The following GRIK1 variants were observed in gnomAD, a reference collection of about 807,000 sequenced individuals.
GRIK1 encodes glutamate receptor ionotropic, kainate 1.
In GRIK1, 69 loss-of-function variants were observed where a neutral mutation model predicts 105.7. The ratio of observed to expected loss-of-function variants is 0.65; its 90% CI spans 0.54 to 0.80. The LOEUF is 0.80. Among genes scored for constraint, GRIK1 ranks in the 30% least tolerant of loss-of-function variants. The pLI is 0.00. For missense variants in GRIK1, 1,109 were observed against 1,167.3 expected (o/e 0.95, Z 0.73); for synonymous variants, 438 against 431.3 (o/e 1.02, Z -0.19).
chr21:29,659,663 A>G (rs2062922890), intron 4 of GRIK1, among the ~76,000 whole-genome samples: 1 of 152,148 alleles, frequency 6.6e-6, no homozygotes, highest in Non-Finnish European at 1.5e-5. Flanking sequence ...AGAAGGCAGA[A>G]TAAAAACTCA....
Position 29,695,782 on chromosome 21 carries a change from A to G in GRIK1, c.119-1719T>C, listed in dbSNP as rs149006330. Among the ~76,000 whole-genome samples the G allele has an allele frequency of 3.0e-3, 450 of 152,164 alleles. 5 individuals are homozygous for G. Among genetic ancestry groups the G allele is most frequent in the African/African-American group, 0.01 (425 of 41,508 alleles). ...GCCACCGTGCCTGGCCCAGGCTGCT[A>G]TTTTTTATCTACTCTCAGGATTGAG... On this transcript the variant is annotated intron_variant, in intron 1 of 17. Coordinates refer to ENST00000327783, the MANE Select transcript of GRIK1 (RefSeq NM_001330994.2).
Position 29,587,599 on chromosome 21 carries a change from C to CA in GRIK1, c.1570-11dup. 6.4e-7 allele frequency: 1 copy of CA among 1,568,268 alleles called. No individual in the cohort carries two copies. The highest frequency in any genetic ancestry group is 8.8e-7 in the Non-Finnish European group (1 of 1,140,134). ...CTGCCAGGTCAGCCCTCTGCAAAAGCAAGTCCAAAATTGTCAGCTTAGTCT... is the reference window on the plus strand; with the variant it reads ...CTGCCAGGTCAGCCCTCTGCAAAAGCAAAGTCCAAAATTGTCAGCTTAGTCT... On this transcript the variant is annotated splice_polypyrimidine_tract_variant and intron_variant, in intron 11 of 17. Transcript: ENST00000327783.
chr21:29,612,398 T>G (rs1037982203), intron 7 of GRIK1, among the ~76,000 whole-genome samples: 69 of 152,174 alleles, frequency 4.5e-4, no homozygotes, highest in African/African-American at 1.6e-3. Flanking sequence ...GTTACCACAT[T>G]ACCATAAGTG....
At chr21:29,687,444 G>C (rs924567267) in intron 3 of GRIK1, among the ~76,000 whole-genome samples, 2 of 152,128 alleles carry the variant, frequency 1.3e-5, no homozygotes, top group African/African-American at 4.8e-5. Context: ...ATTGATCTCA[G>C]TTGGCCTGTT....
intron 1 of GRIK1, among the ~76,000 whole-genome samples, chr21:29,825,236 G>C (rs941757831): frequency 5.9e-5 from 9 of 151,956 alleles, no homozygotes; most frequent in Non-Finnish European, 1.0e-4. Flanking sequence ...AGTGGCAAGA[G>C]CAAAGGCTTT....
chr21:29,717,272 G>A (rs914457867), intron 1 of GRIK1, among the ~76,000 whole-genome samples: 1 of 152,210 alleles, frequency 6.6e-6, no homozygotes, highest in Non-Finnish European at 1.5e-5. Context: ...CCCACACAGA[G>A]TCCCCACTGT....
At position 29,932,872 on chromosome 21, in the gene GRIK1, T is replaced by C. The variant is rs1012965353; in HGVS notation, c.118+6511A>G. Among the ~76,000 whole-genome samples, 43 of 151,708 alleles carry C rather than the reference T, an allele frequency of 2.8e-4. 1 individual carries two copies. The highest frequency in any genetic ancestry group is 1.8e-4 in the Non-Finnish European group (12 of 67,870). On this transcript the variant is annotated intron_variant, in intron 1 of 17. Transcript: ENST00000327783. The stretch of plus-strand genomic sequence containing the variant: ...ATTCCTGGAAAAGATATTTTAAGTC[T>C]AATATGAATTTTCAATTTAAAACAA...
At chr21:29,573,977 T>C (rs890626674) in intron 14 of GRIK1, among the ~76,000 whole-genome samples, 1 of 152,230 alleles carries the variant, frequency 6.6e-6, no homozygotes, top group Non-Finnish European at 1.5e-5. Flanking sequence ...TGTTGTCCCA[T>C]GTGGAAAGTT....
chr21:29,773,297 T>C (rs2145743082), intron 1 of GRIK1, among the ~76,000 whole-genome samples: 1 of 152,294 alleles, frequency 6.6e-6, no homozygotes, highest in Admixed American at 6.5e-5. Flanking sequence ...TCTCTAGGCT[T>C]CAACTCATTT....
chr21:29,818,420 T>C (rs2067211419), intron 1 of GRIK1, among the ~76,000 whole-genome samples: 2 of 152,092 alleles, frequency 1.3e-5, no homozygotes, highest in Admixed American at 6.6e-5. Context: ...TGGCCCTTTC[T>C]ACATAAATCC....
chr21:29,753,091 T>C (rs1264182393), intron 1 of GRIK1, among the ~76,000 whole-genome samples: 3 of 152,348 alleles, frequency 2.0e-5, no homozygotes, highest in African/African-American at 4.8e-5. Flanking sequence ...AGTGCATGCA[T>C]GCATGTGTGT....
At chr21:29,807,264 GCCCCTT>G (rs1250155506) in intron 1 of GRIK1, among the ~76,000 whole-genome samples, 1 of 152,108 alleles carries the variant, frequency 6.6e-6, no homozygotes, top group Admixed American at 6.6e-5. Flanking sequence ...CCAACAAACT[GCCCCTT>G]CCCTGTGGCG....
intron 3 of GRIK1, among the ~76,000 whole-genome samples, chr21:29,683,238 T>C (rs1283825086): frequency 6.6e-6 from 1 of 152,194 alleles, no homozygotes; most frequent in Non-Finnish European, 1.5e-5. Context: ...TCAAAGAACC[T>C]AAAACAGGAC....
Position 29,939,526 on chromosome 21 carries a change from A to T in GRIK1, c.-26T>A. 6.9e-7 allele frequency: 1 copy of T among 1,443,562 alleles called. No homozygotes were observed. The highest frequency in any genetic ancestry group is 9.4e-7 in the Non-Finnish European group (1 of 1,058,848). 89.4% of individuals were successfully genotyped at this position (1,443,562 alleles called of 1,614,324 possible). A position where few individuals can be genotyped will look rare whatever the true frequency, so the allele number is the denominator to read the frequency against. Reference sequence around the variant, plus strand: ...CTTCCTAGCTTCTTAATTCATGCCGAGATACAGCCGCTGCCGGACGCCCGA... The same window carrying T: ...CTTCCTAGCTTCTTAATTCATGCCGTGATACAGCCGCTGCCGGACGCCCGA... On this transcript the variant is annotated 5_prime_UTR_variant, in exon 1 of 18. Coordinates refer to ENST00000327783, the MANE Select transcript of GRIK1 (RefSeq NM_001330994.2).
In GRIK1 at chr21:29,642,931, C is replaced by T. The variant is rs1241278331; in HGVS notation, c.993G>A (p.Val331=). The T allele has an allele frequency of 6.2e-7, 1 of 1,613,914 alleles. No homozygotes were observed. Among genetic ancestry groups the T allele is most frequent in the East Asian group, 2.2e-5 (1 of 44,870 alleles). The change falls in exon 7 of 18, where the codon GTG becomes GTA. Residue 331 remains valine (V), a synonymous_variant. Transcript: ENST00000327783. ...GGGATGCCCGGTGCGAGGCAATGGC[C>T]ACCATGTACACAGCATCGTACATCA... is the stretch of plus-strand genomic sequence containing the variant. ...AALMYDAVYM[V]AIASHRASQL...
intron 1 of GRIK1, among the ~76,000 whole-genome samples, chr21:29,697,267 GT>G (rs1002593941): frequency 5.9e-5 from 9 of 152,164 alleles, no homozygotes; most frequent in African/African-American, 1.4e-4. Flanking sequence ...CTAGAAATAA[GT>G]TTTTTTTATT....
rs528460510 is a variant in GRIK1 at position 29,872,875 on chromosome 21, A to G, written c.118+66508T>C. 3.3e-5 allele frequency among the ~76,000 whole-genome samples: 5 copies of G among 152,258 alleles called. No homozygotes were observed. The East Asian group carries it at 9.7e-4, about 29-fold the overall frequency. On this transcript the variant is annotated intron_variant, in intron 1 of 17. Transcript: ENST00000327783. ...ACACATGGTGATTACAGGAGCTACA[A>G]TTTGAGATTTGGGTGGGGATGCAGC... is the stretch of plus-strand genomic sequence containing the variant.
chr21:29,685,293 A>C (rs2146695151), intron 3 of GRIK1, among the ~76,000 whole-genome samples: 1 of 152,346 alleles, frequency 6.6e-6, no homozygotes, highest in African/African-American at 2.4e-5. Context: ...ATTTTCCCCA[A>C]TATTTCAGAA....
At chr21:29,662,390 C>G (rs1003167541) in intron 4 of GRIK1, among the ~76,000 whole-genome samples, 2 of 152,184 alleles carry the variant, frequency 1.3e-5, no homozygotes, top group Non-Finnish European at 2.9e-5. Flanking sequence ...AAAAAATAAC[C>G]TCTCTGCAAC....
Sources: gnomAD v4.1 joint callset for allele counts (sites outside exome capture counted in the v4.1 genomes callset) on GRCh38, gnomAD v4.1.1 for gene constraint, MANE v1.5 for transcripts, NCBI Gene and HGNC (gene_info 2026-07-23, HGNC 2026-07-21) for gene names.